SLC37A2: variants seen among roughly 807,000 people sequenced by gnomAD.
SLC37A2 encodes glucose-6-phosphate exchanger SLC37A2.
In SLC37A2, 59 loss-of-function variants were observed where a neutral mutation model predicts 70.7. The observed-to-expected ratio is 0.83, with a 90% CI of 0.68 to 1.04. The LOEUF (loss-of-function observed/expected upper bound fraction) is 1.04. Ranked by LOEUF, SLC37A2 falls within the 50% of genes least tolerant of loss-of-function variation. The probability of loss-of-function intolerance (pLI) is 0.00; values close to 1 mark genes in which losing one functional copy is unlikely to be tolerated. For missense variants in SLC37A2, 580 were observed against 658.1 expected, an observed-to-expected ratio of 0.88 and a Z score of 1.30; for synonymous variants, 257 against 262.1, an observed-to-expected ratio of 0.98 and a Z score of 0.19.
Position 125,080,237 on chromosome 11 carries a change from A to G in SLC37A2, c.528-377A>G, listed in dbSNP as rs1332468061. Among the ~76,000 whole-genome samples, 5 of 152,206 alleles carry G rather than the reference A, an allele frequency of 3.3e-5. No individual in the cohort carries two copies. The highest frequency in any genetic ancestry group is 5.9e-5 in the Non-Finnish European group (4 of 68,038). On this transcript the variant is annotated intron_variant, in intron 6 of 17. Coordinates refer to ENST00000403796, the MANE Select transcript of SLC37A2 (RefSeq NM_001145290.2). The surrounding 1 kb of genome is among the most constrained non-coding windows in gnomAD (Gnocchi z 4.3). ...TAGCACACCCTGAGCTGTGACCATGAAAAATCTCTAGCTGTTACCAGATAT... is the reference window on the plus strand; with the variant it reads ...TAGCACACCCTGAGCTGTGACCATGGAAAATCTCTAGCTGTTACCAGATAT...
chr11:125,079,404 C>T (rs1021987924), intron 5 of SLC37A2, among the ~76,000 whole-genome samples, 157 bp downstream of exon 5: 12 of 152,152 alleles, frequency 7.9e-5, no homozygotes, highest in East Asian at 3.9e-4. Flanking sequence ...CCACTGCCCC[C>T]GCATTTGTTC....
chr11:125,063,974 C>G lies in SLC37A2; in HGVS notation c.59+548C>G, dbSNP rs1362260869. On this transcript the variant is annotated intron_variant, in intron 1 of 17. Transcript: ENST00000403796. The surrounding 1 kb of genome is among the most constrained non-coding windows in gnomAD (Gnocchi z 5.4). ...CTCTCAGAGCAGAGCAGGGCAGCCC[C>G]TCGGCAGTGGGAGAAGGGCTTCACA... is the stretch of plus-strand genomic sequence containing the variant. 1.3e-5 allele frequency among the ~76,000 whole-genome samples: 2 copies of G among 152,190 alleles called. No homozygotes were observed. Among genetic ancestry groups the G allele is most frequent in the Non-Finnish European group, 2.9e-5 (2 of 68,034 alleles).
chr11:125,085,619 C>A lies in SLC37A2; in HGVS notation c.1370C>A (p.Thr457Lys), dbSNP rs748597451. The change falls in exon 16 of 18, where the codon ACG (threonine) becomes AAG (lysine). Residue 457 changes from threonine (T) to lysine (K), a missense_variant. Physicochemically the swap from Thr to Lys is moderately conservative, Grantham distance 78. Transcript: ENST00000403796. ...GPLLAGLISPTGWNNVFYMLI... is the reference protein window; with the variant it reads ...GPLLAGLISPKGWNNVFYMLI... ...CTGCTGGCTGGGCTCATCTCCCCCA[C>A]GGGCTGGAACAATGTCTTCTACATG... The A allele has an allele frequency of 5.0e-6, 8 of 1,613,684 alleles. No individual in the cohort carries two copies. The highest frequency in any genetic ancestry group is 1.1e-5 in the South Asian group (1 of 91,088).
chr11:125,076,495 G>A (rs1949088843), intron 1 of SLC37A2, among the ~76,000 whole-genome samples: 2 of 152,210 alleles, frequency 1.3e-5, no homozygotes, highest in African/African-American at 2.4e-5. Context: ...GTCAGAGCAG[G>A]CGGAGGTGCT....
intron 5 of SLC37A2, 22 bp from the exon 6 acceptor site, chr11:125,079,662 C>G: frequency 6.4e-7 from 1 of 1,574,404 alleles, no homozygotes; most frequent in South Asian, 1.2e-5. Context: ...CTGTTCCCAC[C>G]CTCCCTTCTC....
rs769172045 is a variant in SLC37A2, at chr11:125,081,896, T to C, written c.875T>C (p.Leu292Pro). 1 of 1,605,566 alleles carries C rather than the reference T, an allele frequency of 6.2e-7. No individual in the cohort carries two copies. Among genetic ancestry groups the C allele is most frequent in the East Asian group, 2.2e-5 (1 of 44,818 alleles). ...EPAAISFFGA[L>P]RIPGVVEFSL... is the part of the protein sequence containing the mutation. ...GCTGCCATCAGCTTCTTTGGGGCGC[T>C]CCGGATCCCAGTAAGAAGTTTGTGG... Residue 292 changes from leucine (L) to proline (P), a missense_variant, in exon 9 of 18, where the codon CTC becomes CCC. Physicochemically the swap from Leu to Pro is moderately conservative, Grantham distance 98. Coordinates refer to ENST00000403796, the MANE Select transcript of SLC37A2 (RefSeq NM_001145290.2).
intron 17 of SLC37A2, chr11:125,087,804 G>A: frequency 4.3e-6 from 1 of 232,030 alleles, no homozygotes; most frequent in Non-Finnish European, 8.6e-6. Context: ...GGCTAATTTT[G>A]TATTTTTAGT....
Position 125,079,108 on chromosome 11 carries a change from C to G in SLC37A2, c.315-4C>G. 1 of 1,614,124 alleles carries G rather than the reference C, an allele frequency of 6.2e-7. No homozygotes were observed. Among genetic ancestry groups the G allele is most frequent in the Non-Finnish European group, 8.5e-7 (1 of 1,179,984 alleles). On this transcript the variant is annotated splice_region_variant and splice_polypyrimidine_tract_variant and intron_variant, in intron 4 of 17. Coordinates refer to ENST00000403796, the MANE Select transcript of SLC37A2 (RefSeq NM_001145290.2). The stretch of plus-strand genomic sequence containing the variant: ...AACCGCAGATCCAACTTTCTCTTCC[C>G]CAGTGGGGTTTTTGGGGAGCGGCTT...
At chr11:125,075,783 C>A (rs891430190) in intron 1 of SLC37A2, among the ~76,000 whole-genome samples, 1 of 152,194 alleles carries the variant, frequency 6.6e-6, no homozygotes, top group Non-Finnish European at 1.5e-5. Context: ...GAGGGAGCAT[C>A]CAGTGTCCTG....
intron 1 of SLC37A2, among the ~76,000 whole-genome samples, chr11:125,076,125 G>T (rs1024706678): frequency 3.3e-5 from 5 of 152,110 alleles, no homozygotes; most frequent in Non-Finnish European, 7.4e-5. Flanking sequence ...AGACGTGAGG[G>T]GTGAGAAAGA....
chr11:125,064,615 A>T (rs75289111), intron 1 of SLC37A2, among the ~76,000 whole-genome samples: 4,306 of 152,280 alleles, frequency 0.028, 203 homozygotes, highest in African/African-American at 0.098. Flanking sequence ...TCACTCGTTT[A>T]GATTATTTAC....
Position 125,080,722 on chromosome 11 carries a change from C to T in SLC37A2, c.636C>T (p.Ile212=), listed in dbSNP as rs750809336. 2.1e-5 allele frequency: 33 copies of T among 1,568,568 alleles called. 1 individual carries two copies. In the East Asian group the frequency reaches 5.4e-4, roughly 26 times the overall value. ...WVNGQWGLSF[I]VPGIITAVMG... ...ACGGGCAGTGGGGCCTGTCGTTCAT[C>T]GTGCCTGGCATCATTACTGCCGTCA... The change falls in exon 7 of 18, where the codon ATC becomes ATT. Residue 212 remains isoleucine, a synonymous_variant. Coordinates refer to ENST00000403796, the MANE Select transcript of SLC37A2 (RefSeq NM_001145290.2). This position sits in a 1 kb window ranked among gnomAD's most constrained non-coding sequence, Gnocchi z 4.3.
intron 1 of SLC37A2, among the ~76,000 whole-genome samples, chr11:125,070,284 C>T (rs1180199055): frequency 2.0e-5 from 3 of 152,198 alleles, no homozygotes; most frequent in South Asian, 2.1e-4. Flanking sequence ...TAAGGGCTTT[C>T]ACTGCCGGAT....
rs575044682 is a variant in SLC37A2 at position 125,063,511 on chromosome 11, C to T, written c.59+85C>T. On this transcript the variant is annotated intron_variant, in intron 1 of 17. Coordinates refer to ENST00000403796, the MANE Select transcript of SLC37A2 (RefSeq NM_001145290.2). The surrounding 1 kb of genome is among the most constrained non-coding windows in gnomAD (Gnocchi z 5.4). ...CCGCGGGGGGCCTCGGAGATCACCC[C>T]AGATCGGCCCCGGCGTCGCCGCGTG... 1,332 of 1,302,950 alleles carry T rather than the reference C, an allele frequency of 1.0e-3. 2 individuals carry two copies. Among genetic ancestry groups the T allele is most frequent in the Middle Eastern group, 7.6e-3 (31 of 4,066 alleles). 80.7% of individuals were successfully genotyped at this position (1,302,950 alleles called of 1,614,324 possible). A position where few individuals can be genotyped will look rare whatever the true frequency, so the allele number is the denominator to read the frequency against.
intron 1 of SLC37A2, among the ~76,000 whole-genome samples, chr11:125,070,562 T>C (rs903739851): frequency 6.6e-6 from 1 of 152,236 alleles, no homozygotes; most frequent in African/African-American, 2.4e-5. Context: ...TCTGTTTCCC[T>C]GTCCTATGGG....
rs1040285005 is a variant in SLC37A2 at position 125,077,122 on chromosome 11, G to A, written c.142-108G>A. 1.1e-4 allele frequency: 96 copies of A among 902,610 alleles called. No homozygotes were observed. In the African/African-American group the frequency reaches 1.4e-3, roughly 13 times the overall value. 55.9% of individuals were successfully genotyped at this position (902,610 alleles called of 1,614,324 possible). A position where few individuals can be genotyped will look rare whatever the true frequency, so the allele number is the denominator to read the frequency against. On this transcript the variant is annotated intron_variant, in intron 2 of 17. Coordinates refer to ENST00000403796, the MANE Select transcript of SLC37A2 (RefSeq NM_001145290.2). ...CCTGCAGGAGGAGGTGCCAGTAGCG[G>A]GGACATAGAATCTGGTAGGAGGCAG...
intron 5 of SLC37A2, 92 bp downstream of exon 5, chr11:125,079,339 C>T: frequency 1.3e-6 from 2 of 1,526,678 alleles, no homozygotes; most frequent in Non-Finnish European, 1.8e-6. Flanking sequence ...GCCTGTGTTC[C>T]TGGCTCCCTG....
In SLC37A2 at chr11:125,085,092, G is replaced by A; in HGVS notation, c.1201G>A (p.Val401Ile). The change falls in exon 14 of 18, where the codon GTC (valine) becomes ATC (isoleucine). Residue 401 changes from valine (V) to isoleucine (I), a missense_variant. Physicochemically the swap from Val to Ile is conservative, Grantham distance 29 (BLOSUM62 3). Coordinates refer to ENST00000403796, the MANE Select transcript of SLC37A2 (RefSeq NM_001145290.2). ...IVMLIICGGL[V>I]NGPYALITTA... ...GATGCTGATCATCTGTGGGGGCCTG[G>A]TCAATGGCCCATACGCGCTCATCAC... The A allele has an allele frequency of 2.5e-6, 4 of 1,614,096 alleles. No individual in the cohort carries two copies. The highest frequency in any genetic ancestry group is 3.4e-6 in the Non-Finnish European group (4 of 1,179,988).
chr11:125,070,963 T>A (rs1591627639), intron 1 of SLC37A2, among the ~76,000 whole-genome samples: 1 of 152,312 alleles, frequency 6.6e-6, no homozygotes, highest in East Asian at 1.9e-4. Context: ...ATAGTCTGTA[T>A]GGTTGGCCAA....
Sources: allele counts gnomAD v4.1 joint callset (sites outside exome capture counted in the v4.1 genomes callset), GRCh38; gene constraint gnomAD v4.1.1; non-coding constraint Gnocchi (gnomAD v3.1); transcripts MANE v1.5; gene names NCBI Gene and HGNC (gene_info 2026-07-23, HGNC 2026-07-21).